Variants in AGMO observed in about 807,000 individuals in gnomAD.
AGMO encodes the protein alkylglycerol monooxygenase.
A neutral mutation model predicts 60.2 loss-of-function variants in AGMO; 75 were observed. The ratio of observed to expected loss-of-function variants is 1.25; its 90% CI spans 1.03 to 1.51. The LOEUF (loss-of-function observed/expected upper bound fraction) is 1.51, where lower values mean the gene tolerates loss of function less well. Among genes scored for constraint, AGMO ranks in the 40% most tolerant of loss-of-function variants. AGMO has a pLI of 0.00. For missense variants in AGMO, 763 were observed against 525.5 expected (o/e 1.45, Z -4.42); for synonymous variants, 261 against 177.1 (o/e 1.47, Z -3.76).
chr7:15,150,365 C>T, the AGMO span, among the ~76,000 whole-genome samples: 1 of 152,002 alleles, frequency 6.6e-6, no homozygotes, highest in Non-Finnish European at 1.5e-5. Flanking sequence ...TGAGAAGGCA[C>T]ATTCTTGTCT....
intron 12 of AGMO, among the ~76,000 whole-genome samples, chr7:15,262,842 A>C (rs1468964500): frequency 1.3e-5 from 2 of 152,094 alleles, no homozygotes; most frequent in Non-Finnish European, 2.9e-5. Flanking sequence ...AGGTTACCCT[A>C]CTCAACAAAT....
chr7:15,466,598 GC>G (rs1782296761), intron 3 of AGMO, among the ~76,000 whole-genome samples: 1 of 152,070 alleles, frequency 6.6e-6, no homozygotes. Context: ...AGGCTTTAGG[GC>G]TAAACTACCT....
chr7:15,269,100 G>A (rs923432897), intron 12 of AGMO, among the ~76,000 whole-genome samples: 10 of 152,038 alleles, frequency 6.6e-5, no homozygotes, highest in Non-Finnish European at 1.2e-4. Flanking sequence ...ATTCAACTCT[G>A]CCAATGTAAT....
chr7:15,534,314 C>T (rs910289166), intron 3 of AGMO, among the ~76,000 whole-genome samples: 2 of 151,774 alleles, frequency 1.3e-5, no homozygotes, highest in African/African-American at 4.8e-5. Flanking sequence ...TCTTTTAAAA[C>T]CTTTCATGTA....
intron 3 of AGMO, among the ~76,000 whole-genome samples, chr7:15,541,837 T>A (rs1223438828): frequency 2.0e-5 from 3 of 152,214 alleles, no homozygotes; most frequent in Admixed American, 6.5e-5. Context: ...ATATATTGTT[T>A]CTTCAAAACT....
intron 3 of AGMO, among the ~76,000 whole-genome samples, chr7:15,511,729 A>G (rs939655856): frequency 7.9e-5 from 12 of 152,356 alleles, no homozygotes; most frequent in Admixed American, 7.8e-4. Context: ...GTTTCATTGT[A>G]CATGGAACAT....
intron 2 of AGMO, among the ~76,000 whole-genome samples, chr7:15,550,335 A>C (rs1369630569): frequency 6.6e-6 from 1 of 152,134 alleles, no homozygotes; most frequent in East Asian, 1.9e-4. Flanking sequence ...ACTGAAGGAA[A>C]TAGAGACACA....
rs578053097 is a variant in AGMO at position 15,547,475 on chromosome 7, C to T, written c.258-2552G>A. ...GTGGGTGCGCGCACCGTGCGCGAGC[C>T]GAAGCAGGGCAAGGCATTGCCTCAC... On this transcript the variant is annotated intron_variant, in intron 2 of 12. Coordinates refer to ENST00000342526, the MANE Select transcript of AGMO (RefSeq NM_001004320.2). Among the ~76,000 whole-genome samples, 10 of 152,004 alleles carry T rather than the reference C, an allele frequency of 6.6e-5. No homozygotes were observed. The East Asian group carries it at 1.6e-3, about 24-fold the overall frequency.
intron 5 of AGMO, among the ~76,000 whole-genome samples, chr7:15,394,797 G>C (rs1784303825): frequency 6.6e-6 from 1 of 152,078 alleles, no homozygotes; most frequent in South Asian, 2.1e-4. Context: ...TATTCAAATA[G>C]AATCCTAAAT....
intron 2 of AGMO, among the ~76,000 whole-genome samples, chr7:15,549,653 C>G (rs1784888269): frequency 6.7e-6 from 1 of 149,212 alleles, no homozygotes; most frequent in East Asian, 2.0e-4. Context: ...ACAGGAGCAC[C>G]CAGATTCATA....
intron 3 of AGMO, among the ~76,000 whole-genome samples, chr7:15,485,822 T>C (rs1276590853): frequency 3.9e-5 from 6 of 152,056 alleles, no homozygotes; most frequent in Admixed American, 2.6e-4. Context: ...GCTCTCTCGG[T>C]GAAGCATTTT....
the AGMO span, among the ~76,000 whole-genome samples, chr7:15,194,348 T>C: frequency 6.6e-6 from 1 of 151,648 alleles, no homozygotes; most frequent in Non-Finnish European, 1.5e-5. Context: ...GTGCACAAGG[T>C]AATTTTAATG....
chr7:15,247,414 T>TCACA (rs71525649), intron 12 of AGMO, among the ~76,000 whole-genome samples: 3,262 of 123,590 alleles, frequency 0.026, 75 homozygotes, highest in East Asian at 0.042. Flanking sequence ...CTTGGAGATT[T>TCACA]CACACACACA....
At chr7:15,251,025 A>G (rs924864932) in intron 12 of AGMO, among the ~76,000 whole-genome samples, 5 of 152,236 alleles carry the variant, frequency 3.3e-5, no homozygotes, top group Admixed American at 6.5e-5. Flanking sequence ...TTGCTTATAC[A>G]TATACAAAAT....
chr7:15,370,844 G>GTT (rs1783180700), intron 10 of AGMO, among the ~76,000 whole-genome samples: 1 of 152,082 alleles, frequency 6.6e-6, no homozygotes, highest in African/African-American at 2.4e-5. Flanking sequence ...TAGACTGTCT[G>GTT]TTTACTCTGT....
At chr7:15,429,643 T>C (rs1781171977) in intron 4 of AGMO, among the ~76,000 whole-genome samples, 1 of 152,028 alleles carries the variant, frequency 6.6e-6, no homozygotes. Context: ...CACAGGTGTA[T>C]GGTGTGGGAG....
intron 3 of AGMO, among the ~76,000 whole-genome samples, chr7:15,543,008 T>C (rs1366426838): frequency 1.3e-5 from 2 of 152,198 alleles, no homozygotes; most frequent in Admixed American, 6.5e-5. Context: ...GCTACTCCTA[T>C]TTCCTTCATC....
intron 12 of AGMO, among the ~76,000 whole-genome samples, chr7:15,277,568 G>C (rs892739976): frequency 5.3e-5 from 8 of 151,722 alleles, no homozygotes; most frequent in Admixed American, 4.6e-4. Flanking sequence ...TCCATCCCTT[G>C]ATGGTGAGAC....
chr7:15,552,029 A>G (rs1784975886), intron 2 of AGMO, among the ~76,000 whole-genome samples: 1 of 152,090 alleles, frequency 6.6e-6, no homozygotes, highest in Admixed American at 6.5e-5. Context: ...ATCTGCAACT[A>G]TCTGATCTTT....
Sources: gnomAD v4.1 joint callset for allele counts (sites outside exome capture counted in the v4.1 genomes callset) on GRCh38, gnomAD v4.1.1 for gene constraint, MANE v1.5 for transcripts, NCBI Gene and HGNC (gene_info 2026-07-23, HGNC 2026-07-21) for gene names.